KIAA1671: variants seen among roughly 807,000 people sequenced by gnomAD.
The protein encoded by KIAA1671 is uncharacterized protein KIAA1671.
In KIAA1671, 52 loss-of-function variants were observed where a neutral mutation model predicts 131.2. The observed-to-expected ratio is 0.40, with a 90% CI of 0.32 to 0.50. The LOEUF (loss-of-function observed/expected upper bound fraction) is 0.50. KIAA1671 is among the 20% of genes least tolerant of loss of function. KIAA1671 has a pLI of 0.73. For synonymous variants in KIAA1671, 1,003 were observed against 961.6 expected, an observed-to-expected ratio of 1.04 and a Z score of -0.80; for missense variants, 2,360 against 2,364.2, an observed-to-expected ratio of 1.00 and a Z score of 0.04.
intron 1 of KIAA1671, among the ~76,000 whole-genome samples, chr22:25,009,377 GC>G (rs1231736043): frequency 7.1e-6 from 1 of 141,304 alleles, no homozygotes; most frequent in Non-Finnish European, 1.5e-5. Flanking sequence ...TGATTCTCCC[GC>G]CTCAGCCTCC....
chr22:25,166,213 T>G (rs1031759574), intron 6 of KIAA1671, among the ~76,000 whole-genome samples: 1 of 152,032 alleles, frequency 6.6e-6, no homozygotes, highest in Non-Finnish European at 1.5e-5. Flanking sequence ...AGTATGGCAG[T>G]GAAGGAGAGA....
rs549311400 is a variant in KIAA1671 at position 25,152,532 on chromosome 22, A to C, written c.4531-18288A>C. Among the ~76,000 whole-genome samples the C allele has an allele frequency of 1.0e-3, 153 of 152,292 alleles. 7 individuals are homozygous for C. In the South Asian group the frequency reaches 0.031, roughly 31 times the overall value. Reference sequence around the variant, plus strand: ...TCTGAGCTTCAGTTTTCTCCTGTATAAATGCCACACCAGGTTTGCAGTCCC... The same window carrying C: ...TCTGAGCTTCAGTTTTCTCCTGTATCAATGCCACACCAGGTTTGCAGTCCC... On this transcript the variant is annotated intron_variant, in intron 6 of 12. Coordinates refer to ENST00000358431, the MANE Select transcript of KIAA1671 (RefSeq NM_001145206.2).
intron 6 of KIAA1671, chr22:25,064,269 C>T (rs563671415): frequency 2.6e-5 from 4 of 152,334 alleles, no homozygotes; most frequent in Non-Finnish European, 5.9e-5. Context: ...CTCTGTTGGC[C>T]AGGCTGGTCT....
At chr22:24,987,194 A>G (rs193073332) in intron 1 of KIAA1671, among the ~76,000 whole-genome samples, 1 of 149,080 alleles carries the variant, frequency 6.7e-6, no homozygotes, top group Admixed American at 6.7e-5. Flanking sequence ...TTTCTGAGAC[A>G]GAGTCTCGCC....
Position 24,978,572 on chromosome 22 carries a change from G to A in KIAA1671, c.-208+25800G>A, listed in dbSNP as rs73410632. ...CTAGCATGTCATAGAACTAGGTTTT[G>A]AACTCAGGCAGCTGGATCCCATGCC... On this transcript the variant is annotated intron_variant, in intron 1 of 12. Transcript: ENST00000358431. Among the ~76,000 whole-genome samples the A allele has an allele frequency of 3.7e-3, 562 of 152,276 alleles. 4 individuals carry two copies. Among genetic ancestry groups the A allele is most frequent in the African/African-American group, 0.013 (544 of 41,558 alleles).
intron 6 of KIAA1671, chr22:25,065,073 A>C (rs1883284): frequency 0.52 from 79,179 of 152,196 alleles, 22,092 homozygotes; most frequent in African/African-American, 0.74. Flanking sequence ...GGCAGAGGGC[A>C]CTGCCTGAGC....
At chr22:25,118,706 C>T (rs1349313656) in intron 6 of KIAA1671, among the ~76,000 whole-genome samples, 1 of 152,110 alleles carries the variant, frequency 6.6e-6, no homozygotes, top group Non-Finnish European at 1.5e-5. Flanking sequence ...AGGTCATTCC[C>T]CTGCCTCACC....
chr22:24,970,490 G>A (rs1922541777), intron 1 of KIAA1671, among the ~76,000 whole-genome samples: 2 of 152,198 alleles, frequency 1.3e-5, no homozygotes, highest in South Asian at 4.2e-4. Context: ...GCCATCCTTG[G>A]TTTCCGTCTC....
intron 8 of KIAA1671, 146 bp downstream of exon 8, chr22:25,174,635 C>T: frequency 1.1e-6 from 1 of 918,024 alleles, no homozygotes. Context: ...CTCACTTATG[C>T]ATGTATCTTG....
chr22:25,145,945 GAAAA>G (rs11337979), intron 6 of KIAA1671, among the ~76,000 whole-genome samples: 1 of 135,124 alleles, frequency 7.4e-6, no homozygotes, highest in Non-Finnish European at 1.6e-5. Flanking sequence ...ATCTCTAAAA[GAAAA>G]AAAAAAAAAA....
intron 6 of KIAA1671, among the ~76,000 whole-genome samples, chr22:25,111,402 C>A (rs1431418503): frequency 6.6e-6 from 1 of 152,206 alleles, no homozygotes; most frequent in Non-Finnish European, 1.5e-5. Flanking sequence ...GACGTCAGCT[C>A]CCTGGGCGGC....
chr22:24,977,460 C>G (rs1402524506), intron 1 of KIAA1671, among the ~76,000 whole-genome samples: 3 of 152,224 alleles, frequency 2.0e-5, no homozygotes, highest in African/African-American at 7.2e-5. Context: ...ACAGCTGCCT[C>G]CTGGTAGCAG....
chr22:25,029,225 G>A lies in KIAA1671; in HGVS notation c.1226G>A (p.Arg409Lys), dbSNP rs1926130605. 1 of 1,461,922 alleles carries A rather than the reference G, an allele frequency of 6.8e-7. No homozygotes were observed. Among genetic ancestry groups the A allele is most frequent in the African/African-American group, 1.4e-5 (1 of 70,194 alleles). 90.6% of individuals were successfully genotyped at this position (1,461,922 alleles called of 1,614,324 possible). A position where few individuals can be genotyped will look rare whatever the true frequency, so the allele number is the denominator to read the frequency against. The change falls in exon 3 of 13, where the codon AGG (arginine) becomes AAG (lysine). Residue 409 changes from arginine to lysine, a missense_variant. Arg to Lys is a conservative substitution (Grantham distance 26). Around this residue, in one of 3 missense-constraint regions of KIAA1671, gnomAD observed 1,185 missense variants for 1,126.2 expected, o/e 1.05. Transcript: ENST00000358431. Reference protein sequence around the residue: ...AAESPSPRLGRGLELAEVKSR... With the variant: ...AAESPSPRLGKGLELAEVKSR... ...GAGTCCCCCTCACCCAGGCTGGGAA[G>A]GGGCCTAGAACTTGCTGAGGTTAAG...
At chr22:24,960,138 T>C (rs530346446) in intron 1 of KIAA1671, among the ~76,000 whole-genome samples, 45 of 138,860 alleles carry the variant, frequency 3.2e-4, no homozygotes, top group Non-Finnish European at 4.9e-4. Context: ...CTCAAATAAA[T>C]AAATAAATAA....
rs1473934374 is a variant in KIAA1671 at position 25,039,140 on chromosome 22, A to G, written c.2010A>G (p.Lys670=). 5 of 1,551,490 alleles carry G rather than the reference A, an allele frequency of 3.2e-6. No homozygotes were observed. The highest frequency in any genetic ancestry group is 2.7e-5 in the African/African-American group (2 of 73,060). Residue 670 remains lysine (K), a synonymous_variant, in exon 5 of 13, where the codon AAA becomes AAG. Transcript: ENST00000358431. ...RDPPDMTKLK[K]ENSRGFDNPE... ...CACCAGACATGACAAAACTGAAGAAAGAGAACTCCAGAGGGTTTGACAATC... is the reference window on the plus strand; with the variant it reads ...CACCAGACATGACAAAACTGAAGAAGGAGAACTCCAGAGGGTTTGACAATC...
At chr22:25,074,574 C>T (rs1249393744) in intron 6 of KIAA1671, among the ~76,000 whole-genome samples, 1 of 144,882 alleles carries the variant, frequency 6.9e-6, no homozygotes, top group South Asian at 2.1e-4. Flanking sequence ...TGTATATATG[C>T]ATATGTGTGT....
chr22:25,078,997 T>C (rs999563110), intron 6 of KIAA1671, among the ~76,000 whole-genome samples: 2 of 152,148 alleles, frequency 1.3e-5, no homozygotes, highest in Middle Eastern at 3.2e-3. Flanking sequence ...AGTTTTGCCA[T>C]CTATAGAGTA....
At chr22:25,008,625 A>T (rs1019528497) in intron 1 of KIAA1671, among the ~76,000 whole-genome samples, 4 of 152,214 alleles carry the variant, frequency 2.6e-5, no homozygotes, top group African/African-American at 9.6e-5. Flanking sequence ...TGTTGTCCTC[A>T]TCCATGAAAT....
chr22:25,137,326 T>C (rs148159639), intron 6 of KIAA1671, among the ~76,000 whole-genome samples: 6 of 152,332 alleles, frequency 3.9e-5, no homozygotes, highest in African/African-American at 1.4e-4. Context: ...AGAATAGGAA[T>C]AGCAGTCACC....
Sources: allele counts gnomAD v4.1 joint callset (sites outside exome capture counted in the v4.1 genomes callset), GRCh38; gene constraint gnomAD v4.1.1; regional missense constraint gnomAD v4.1.1; transcripts MANE v1.5; gene names NCBI Gene and HGNC (gene_info 2026-07-23, HGNC 2026-07-21).